CHRDL1: variants seen among roughly 807,000 people sequenced by gnomAD.
CHRDL1 encodes the protein chordin-like protein 1.
Under a neutral mutation model 40.9 loss-of-function variants are expected in CHRDL1, and 19 were observed. The observed-to-expected ratio is 0.46, with a 90% confidence interval of 0.32 to 0.68. The LOEUF (loss-of-function observed/expected upper bound fraction) is 0.68, where lower values mean the gene tolerates loss of function less well. CHRDL1 is among the 30% of genes least tolerant of loss of function. The pLI is 0.03. For synonymous variants in CHRDL1, 136 were observed against 123.4 expected (o/e 1.10, Z -0.68); for missense variants, 329 against 352.1 (o/e 0.93, Z 0.53).
At chrX:110,695,192 A>G (rs765772894) in intron 7 of CHRDL1, among the ~76,000 whole-genome samples, 29 of 111,663 alleles carry the variant, frequency 2.6e-4, no homozygotes, top group Middle Eastern at 4.7e-3. Context: ...ATAAGATCAT[A>G]CAATGCAGTA....
intron 4 of CHRDL1, among the ~76,000 whole-genome samples, chrX:110,730,565 C>T (rs1255472064): frequency 2.7e-5 from 3 of 111,262 alleles, no homozygotes; most frequent in African/African-American, 9.8e-5. Flanking sequence ...TTGGCCAACA[C>T]TCCCATTGTA....
chrX:110,743,710 A>T (rs1042344223), intron 4 of CHRDL1, among the ~76,000 whole-genome samples: 5 of 112,265 alleles, frequency 4.5e-5, no homozygotes, highest in African/African-American at 1.6e-4. Flanking sequence ...TTTCAAATCA[A>T]AACAAAGCAA....
At chrX:110,787,124 G>C (rs183282305) in intron 2 of CHRDL1, among the ~76,000 whole-genome samples, 1 of 111,747 alleles carries the variant, frequency 8.9e-6, no homozygotes, top group East Asian at 2.8e-4. Flanking sequence ...AATATCTTTG[G>C]CTTGTAAGAG....
intron 5 of CHRDL1, among the ~76,000 whole-genome samples, chrX:110,720,196 T>C (rs1443587716): frequency 9.0e-6 from 1 of 111,675 alleles, no homozygotes; most frequent in Non-Finnish European, 1.9e-5. Flanking sequence ...CTGTCAGGGA[T>C]GCCATGAGCC....
At chrX:110,793,119 A>G (rs1340964529) in intron 1 of CHRDL1, among the ~76,000 whole-genome samples, 1 of 112,411 alleles carries the variant, frequency 8.9e-6, no homozygotes, top group African/African-American at 3.2e-5. Context: ...GTGATCTGAA[A>G]ATATTGAAAT....
intron 2 of CHRDL1, among the ~76,000 whole-genome samples, chrX:110,772,236 A>T (rs758680317): frequency 8.9e-6 from 1 of 112,842 alleles, no homozygotes; most frequent in Non-Finnish European, 1.9e-5. Context: ...TACCAGCATG[A>T]TCTTTTATAA....
chrX:110,758,630 G>T, intron 4 of CHRDL1, among the ~76,000 whole-genome samples: 1 of 111,045 alleles, frequency 9.0e-6, no homozygotes, highest in South Asian at 3.8e-4. Context: ...GGATACATTT[G>T]GTTTCTCTCT....
chrX:110,779,537 T>C (rs1346530703), intron 2 of CHRDL1, among the ~76,000 whole-genome samples: 1 of 111,970 alleles, frequency 8.9e-6, no homozygotes, highest in Non-Finnish European at 1.9e-5. Flanking sequence ...CTGGGCTCTC[T>C]ATTACATTCC....
chrX:110,685,496 C>T (rs2069989869), intron 9 of CHRDL1, among the ~76,000 whole-genome samples: 1 of 111,901 alleles, frequency 8.9e-6, no homozygotes, highest in Non-Finnish European at 1.9e-5. Context: ...CTCCTGGGCT[C>T]AAGCAATCTG....
At chrX:110,781,858 T>A (rs1329818753) in intron 2 of CHRDL1, among the ~76,000 whole-genome samples, 1 of 112,209 alleles carries the variant, frequency 8.9e-6, no homozygotes, top group Non-Finnish European at 1.9e-5. Context: ...CTCTAAAAAA[T>A]ATTTAAGATA....
chrX:110,759,833 T>G (rs374470430), intron 3 of CHRDL1, 79 bp from the exon 4 acceptor site: 1 of 657,107 alleles, frequency 1.5e-6, no homozygotes. Context: ...GAAACAGTCA[T>G]GCAGGGACTC....
rs752873517 is a variant in CHRDL1 at position 110,722,163 on chromosome X, AT to A, written c.302-634del. ...CAGGCGCCTGCCACCACGCCTGGCT[AT>A]TTTTTTTTTTTAAGTAGAGATGGGG... is the stretch of plus-strand genomic sequence containing the variant. On this transcript the variant is annotated intron_variant, in intron 4 of 11. Transcript: ENST00000372042. 5.3e-4 allele frequency among the ~76,000 whole-genome samples: 54 copies of A among 101,218 alleles called. 2 individuals carry two copies. The highest frequency in any genetic ancestry group is 2.0e-3 in the Admixed American group (19 of 9,543). The allele number at this position is 101,218 out of a possible 115,157, so 87.9% of individuals were successfully genotyped here.
At chrX:110,773,344 T>C (rs1015395621) in intron 2 of CHRDL1, among the ~76,000 whole-genome samples, 6 of 112,096 alleles carry the variant, frequency 5.4e-5, no homozygotes, top group African/African-American at 1.9e-4. Flanking sequence ...CCATGTGCGA[T>C]TTAGAAGTGT....
intron 4 of CHRDL1, among the ~76,000 whole-genome samples, chrX:110,723,496 A>G (rs978283215): frequency 1.8e-5 from 2 of 111,687 alleles, no homozygotes; most frequent in African/African-American, 6.5e-5. Flanking sequence ...TTTGCAGATG[A>G]AGAAACTAAG....
rs2070193953 is a variant in CHRDL1, at chrX:110,689,814, T to TATCTATAC, written c.779-1012_779-1011insGTATAGAT. ...ATCTATACATCTATATATCTATATA[T>TATCTATAC]ATCTATATATCTATATATCTATATA... On this transcript the variant is annotated intron_variant, in intron 8 of 11. Transcript: ENST00000372042. Among the ~76,000 whole-genome samples, 4 of 76,239 alleles carry TATCTATAC rather than the reference T, an allele frequency of 5.2e-5. 1 individual carries two copies. The highest frequency in any genetic ancestry group is 8.9e-5 in the Non-Finnish European group (4 of 45,173). The allele number at this position is 76,239 out of a possible 115,157, so 66.2% of individuals were successfully genotyped here. A position where few individuals can be genotyped will look rare whatever the true frequency, so the allele number is the denominator to read the frequency against.
At chrX:110,709,985 G>A (rs1205486933) in intron 6 of CHRDL1, among the ~76,000 whole-genome samples, 1 of 110,931 alleles carries the variant, frequency 9.0e-6, no homozygotes, top group Non-Finnish European at 1.9e-5. Context: ...CTGGGCAACA[G>A]AGACTCTGTC....
At chrX:110,775,206 T>C (rs1032549125) in intron 2 of CHRDL1, among the ~76,000 whole-genome samples, 4 of 111,851 alleles carry the variant, frequency 3.6e-5, no homozygotes, top group African/African-American at 9.7e-5. Context: ...GGATAACAAA[T>C]TATGCTGTTT....
chrX:110,747,920 G>A (rs939839887), intron 4 of CHRDL1, among the ~76,000 whole-genome samples: 2 of 112,575 alleles, frequency 1.8e-5, no homozygotes, highest in African/African-American at 3.2e-5. Context: ...ATTTATGTGT[G>A]TCTTGTGTTT....
chrX:110,685,954 T>A lies in CHRDL1; in HGVS notation c.988+2640A>T, dbSNP rs73526488. 8.8e-3 allele frequency among the ~76,000 whole-genome samples: 935 copies of A among 105,705 alleles called. 12 individuals are homozygous for A. Among genetic ancestry groups the A allele is most frequent in the African/African-American group, 0.03 (859 of 28,728 alleles). 91.8% of individuals were successfully genotyped at this position (105,705 alleles called of 115,157 possible). A position where few individuals can be genotyped will look rare whatever the true frequency, so the allele number is the denominator to read the frequency against. On this transcript the variant is annotated intron_variant, in intron 9 of 11. Coordinates refer to ENST00000372042, the MANE Select transcript of CHRDL1 (RefSeq NM_001143981.2). ...TCCAGGCTGGAAAGTACTGGTGTGA[T>A]CGTGGCTCGCTGCAGCCATTGCTCC... is the stretch of plus-strand genomic sequence containing the variant.
Sources: allele counts gnomAD v4.1 joint callset (sites outside exome capture counted in the v4.1 genomes callset), GRCh38; gene constraint gnomAD v4.1.1; transcripts MANE v1.5; gene names NCBI Gene and HGNC (gene_info 2026-07-23, HGNC 2026-07-21).